SYT13: variants seen among roughly 807,000 people sequenced by gnomAD.
SYT13 encodes the protein synaptotagmin-13.
Under a neutral mutation model 38.6 loss-of-function variants are expected in SYT13, and 21 were observed. That is an observed-to-expected ratio of 0.54 (90% CI 0.39 to 0.78). The LOEUF (loss-of-function observed/expected upper bound fraction) is 0.78. Ranked by LOEUF, SYT13 falls within the 30% of genes least tolerant of loss-of-function variation. The pLI, the probability that SYT13 is intolerant of heterozygous loss-of-function variation, is 0.00. For missense variants in SYT13, 495 were observed against 548.7 expected, an observed-to-expected ratio of 0.90 and a Z score of 0.98; for synonymous variants, 241 against 237.6, an observed-to-expected ratio of 1.01 and a Z score of -0.13.
chr11:45,258,962 G>C (rs1368893987), intron 1 of SYT13, among the ~76,000 whole-genome samples: 1 of 152,124 alleles, frequency 6.6e-6, no homozygotes, highest in African/African-American at 2.4e-5. Context: ...CTGAGGCTCA[G>C]GGAAGCTCAC....
intron 1 of SYT13, among the ~76,000 whole-genome samples, chr11:45,259,188 G>T (rs545101655): frequency 2.6e-5 from 4 of 152,114 alleles, no homozygotes; most frequent in African/African-American, 9.7e-5. Flanking sequence ...GCACAAAAGC[G>T]TTCCCAGAGG....
In SYT13 at chr11:45,255,724, C is replaced by T. The variant is rs61999274; in HGVS notation, c.351G>A (p.Pro117=). ...CCTGCCTCTTGAGGCGACTGTCATT[C>T]GGGGGTTGGGGGCTGGCAGGTGCAG... ...EPTAPASPQP[P]NDSRLKRQVT... is the part of the protein sequence containing the mutation. Residue 117 remains proline, a synonymous_variant, in exon 2 of 6, where the codon CCG becomes CCA. Coordinates refer to ENST00000020926, the MANE Select transcript of SYT13 (RefSeq NM_020826.3). 918 of 1,614,058 alleles carry T rather than the reference C, an allele frequency of 5.7e-4. 4 individuals are homozygous for T. In the African/African-American group the frequency reaches 6.1e-3, roughly 11 times the overall value.
At chr11:45,278,559 C>A (rs914020812) in intron 1 of SYT13, among the ~76,000 whole-genome samples, 2 of 152,086 alleles carry the variant, frequency 1.3e-5, no homozygotes, top group African/African-American at 4.8e-5. Context: ...TCCTCCTGTG[C>A]CCCAGGTACC....
At chr11:45,266,167 G>C (rs1466215594) in intron 1 of SYT13, among the ~76,000 whole-genome samples, 1 of 152,146 alleles carries the variant, frequency 6.6e-6, no homozygotes, top group Non-Finnish European at 1.5e-5. Context: ...AGTTTGCTGA[G>C]TGATTCCTGC....
intron 4 of SYT13, among the ~76,000 whole-genome samples, chr11:45,249,501 A>G (rs1222611280): frequency 6.6e-6 from 1 of 152,284 alleles, no homozygotes; most frequent in Non-Finnish European, 1.5e-5. Flanking sequence ...ACCAACCCAA[A>G]TGTCCATCAA....
At chr11:45,256,024 G>A in intron 1 of SYT13, 133 bp from the exon 2 acceptor site, 2 of 889,134 alleles carry the variant, frequency 2.2e-6, no homozygotes. Flanking sequence ...CTGCTCTGAA[G>A]AGCACAACCT....
rs780589479 is a variant in SYT13, at chr11:45,255,764, G to A, written c.311C>T (p.Ser104Phe). 17 of 1,614,176 alleles carry A rather than the reference G, an allele frequency of 1.1e-5. No homozygotes were observed. The highest frequency in any genetic ancestry group is 1.4e-5 in the Non-Finnish European group (17 of 1,180,030). Residue 104 changes from serine (S) to phenylalanine (F), a missense_variant, in exon 2 of 6, where the codon TCT becomes TTT. Transcript: ENST00000020926. ...VINYADYSLRSTEEPTAPASP... is the reference protein window; with the variant it reads ...VINYADYSLRFTEEPTAPASP... ...GGCAGGTGCAGTGGGCTCCTCCGTA[G>A]ACCTCAGTGAATAGTCTGCATAGTT...
chr11:45,251,898 T>G (rs1318286981), intron 4 of SYT13, among the ~76,000 whole-genome samples: 1 of 152,232 alleles, frequency 6.6e-6, no homozygotes, highest in East Asian at 1.9e-4. Context: ...TCTAGAATTC[T>G]TTATCAGAGC....
Position 45,242,607 on chromosome 11 carries a change from T to C in SYT13, c.*1445A>G, listed in dbSNP as rs1854565265. 2.0e-5 allele frequency: 3 copies of C among 151,908 alleles called. No homozygotes were observed. The highest frequency in any genetic ancestry group is 4.4e-5 in the Non-Finnish European group (3 of 68,018). The allele number at this position is 151,908 out of a possible 1,614,324, so 9.4% of individuals were successfully genotyped here. ...GAAAAATAGTAACTTAGCTTAAAGA[T>C]GATCTGCTGGTGGCCTCAGAGTTTG... On this transcript the variant is annotated 3_prime_UTR_variant, in exon 6 of 6. Coordinates refer to ENST00000020926, the MANE Select transcript of SYT13 (RefSeq NM_020826.3).
chr11:45,272,556 T>C (rs778208347), intron 1 of SYT13, among the ~76,000 whole-genome samples: 1 of 152,228 alleles, frequency 6.6e-6, no homozygotes, highest in Middle Eastern at 3.2e-3. Flanking sequence ...GTATCATCCA[T>C]AGATCTAGCT....
chr11:45,247,940 G>C (rs1854633021), intron 4 of SYT13, among the ~76,000 whole-genome samples: 1 of 152,166 alleles, frequency 6.6e-6, no homozygotes, highest in Non-Finnish European at 1.5e-5. Context: ...CTTAGTAAAG[G>C]TCATAAATTA....
At chr11:45,253,026 G>C (rs746198842) in intron 3 of SYT13, among the ~76,000 whole-genome samples, 1 of 152,194 alleles carries the variant, frequency 6.6e-6, no homozygotes, top group South Asian at 2.1e-4. Context: ...AAGGCTTGCT[G>C]CTGGGGGCCT....
At position 45,285,102 on chromosome 11, in the gene SYT13, G is replaced by C. The variant is rs181677547; in HGVS notation, c.183+923C>G. 4.0e-3 allele frequency among the ~76,000 whole-genome samples: 614 copies of C among 152,286 alleles called. 1 individual carries two copies. Among genetic ancestry groups the C allele is most frequent in the African/African-American group, 0.014 (581 of 41,572 alleles). The stretch of plus-strand genomic sequence containing the variant: ...TCCTTTAAGTCATGCCCCTGCCCCA[G>C]GGCCATCCTTCCTCAAATCACTCTA... On this transcript the variant is annotated intron_variant, in intron 1 of 5. Coordinates refer to ENST00000020926, the MANE Select transcript of SYT13 (RefSeq NM_020826.3).
At chr11:45,266,907 G>A (rs543910950) in intron 1 of SYT13, among the ~76,000 whole-genome samples, 1 of 152,286 alleles carries the variant, frequency 6.6e-6, no homozygotes, top group South Asian at 2.1e-4. Flanking sequence ...CATCAAGGAA[G>A]GCCAACTGCT....
At chr11:45,285,375 T>C (rs1855121511) in intron 1 of SYT13, among the ~76,000 whole-genome samples, 1 of 152,146 alleles carries the variant, frequency 6.6e-6, no homozygotes, top group South Asian at 2.1e-4. Flanking sequence ...GGGGAGGCCA[T>C]ACCAACCCCC....
chr11:45,269,318 A>G, intron 1 of SYT13: 2 of 629,156 alleles, frequency 3.2e-6, no homozygotes, highest in South Asian at 2.3e-5. Context: ...TAAAACAATT[A>G]TTAAAAAAAC....
At chr11:45,245,848 G>A (rs1224034492) in intron 5 of SYT13, among the ~76,000 whole-genome samples, 4 of 152,232 alleles carry the variant, frequency 2.6e-5, no homozygotes, top group African/African-American at 9.6e-5. Context: ...ACACTCAGCT[G>A]GTGTGAGGGT....
In SYT13 at chr11:45,286,303, G is replaced by A. The variant is rs1384115049; in HGVS notation, c.-96C>T. ...CAGCTCCCGGGATCCGGGCGAGCCA[G>A]CAGCTCTCCCGCCGCCAGAGGGGCG... On this transcript the variant is annotated 5_prime_UTR_variant, in exon 1 of 6. Coordinates refer to ENST00000020926, the MANE Select transcript of SYT13 (RefSeq NM_020826.3). 2.4e-5 allele frequency: 33 copies of A among 1,371,478 alleles called. No individual in the cohort carries two copies. The highest frequency in any genetic ancestry group is 3.0e-5 in the African/African-American group (2 of 65,952). The allele number at this position is 1,371,478 out of a possible 1,614,324, so 85.0% of individuals were successfully genotyped here. A position where few individuals can be genotyped will look rare whatever the true frequency, so the allele number is the denominator to read the frequency against.
At chr11:45,266,268 C>A (rs1290781960) in intron 1 of SYT13, among the ~76,000 whole-genome samples, 1 of 152,108 alleles carries the variant, frequency 6.6e-6, no homozygotes, top group African/African-American at 2.4e-5. Context: ...TCCAAATAGC[C>A]TCAGAGGCAG....
Sources: gnomAD v4.1 joint callset for allele counts (sites outside exome capture counted in the v4.1 genomes callset) on GRCh38, gnomAD v4.1.1 for gene constraint, MANE v1.5 for transcripts, NCBI Gene and HGNC (gene_info 2026-07-23, HGNC 2026-07-21) for gene names.